MYH11: variants seen among roughly 807,000 people sequenced by gnomAD.
MYH11 encodes the protein myosin-11.
A neutral mutation model predicts 246.6 loss-of-function variants in MYH11; 80 were observed. The ratio of observed to expected loss-of-function variants is 0.32; its 90% CI spans 0.27 to 0.39. The LOEUF (loss-of-function observed/expected upper bound fraction) is 0.39, where lower values mean the gene tolerates loss of function less well. Among genes scored for constraint, MYH11 ranks in the 10% least tolerant of loss-of-function variants. The pLI is 1.00. For missense variants in MYH11, 2,158 were observed against 2,546.8 expected (o/e 0.85, Z 3.29); for synonymous variants, 1,071 against 1,015.5 (o/e 1.05, Z -1.04).
rs751854318 is a variant in MYH11, at chr16:15,778,762, G to T, written c.790+18C>A. ...GGGGCAGGGGTACCCATTTGGCCCA[G>T]GCTCAGGGAAAGGATACAGGTCTCA... On this transcript the variant is annotated intron_variant, in intron 7 of 40. Transcript: ENST00000300036. 3 of 1,613,882 alleles carry T rather than the reference G, an allele frequency of 1.9e-6. No individual in the cohort carries two copies. The highest frequency in any genetic ancestry group is 1.7e-6 in the Non-Finnish European group (2 of 1,179,768).
chr16:15,851,810 C>T (rs889116327), intron 1 of MYH11, among the ~76,000 whole-genome samples: 1 of 152,070 alleles, frequency 6.6e-6, no homozygotes, highest in East Asian at 1.9e-4. Flanking sequence ...TCCTCCCAAC[C>T]AAGAGAACTT....
intron 3 of MYH11, among the ~76,000 whole-genome samples, chr16:15,812,938 G>C (rs1325465226): frequency 6.6e-6 from 1 of 151,644 alleles, no homozygotes; most frequent in Non-Finnish European, 1.5e-5. Context: ...AGGCCAAGGT[G>C]GGTGGATCAC....
chr16:15,835,597 C>T (rs984671910), intron 2 of MYH11, among the ~76,000 whole-genome samples: 2 of 152,152 alleles, frequency 1.3e-5, no homozygotes, highest in Non-Finnish European at 2.9e-5. Flanking sequence ...GGAAGAAGAA[C>T]ATCTTACTAG....
At chr16:15,839,954 G>A (rs2044011019) in intron 1 of MYH11, among the ~76,000 whole-genome samples, 1 of 152,076 alleles carries the variant, frequency 6.6e-6, no homozygotes, top group South Asian at 2.1e-4. Flanking sequence ...AAAAAGCTGA[G>A]GCAGGAGAAT....
chr16:15,809,652 G>T (rs574203368), intron 3 of MYH11, among the ~76,000 whole-genome samples: 2 of 152,280 alleles, frequency 1.3e-5, no homozygotes, highest in East Asian at 3.9e-4. Context: ...GCCAGGCACT[G>T]TGGGTCACGC....
chr16:15,719,298 G>C lies in MYH11; in HGVS notation c.5093C>G (p.Ala1698Gly), dbSNP rs779639232. ...CGCTTGTTTGCGAGCCCTCTCAGCG[G>C]CGGCGAGGTCCTAGGTGGGAGGGAG... The part of the protein sequence containing the change: ...DLMQLQEDLA[A>G]AERARKQADL... Residue 1698 changes from alanine (A) to glycine (G), a missense_variant, in exon 36 of 41, where the codon GCC (alanine) becomes GGC (glycine). Ala to Gly is a moderately conservative substitution (Grantham distance 60). Around this residue, in one of 11 missense-constraint regions of MYH11, gnomAD observed 1,013 missense variants for 993.5 expected, o/e 1.02. Transcript: ENST00000300036. 1 of 1,611,520 alleles carries C rather than the reference G, an allele frequency of 6.2e-7. No individual in the cohort carries two copies. The highest frequency in any genetic ancestry group is 1.7e-5 in the Admixed American group (1 of 60,002).
intron 1 of MYH11, among the ~76,000 whole-genome samples, chr16:15,840,131 A>G (rs1421846856): frequency 6.6e-6 from 1 of 152,186 alleles, no homozygotes; most frequent in Non-Finnish European, 1.5e-5. Flanking sequence ...CATAAGAGGT[A>G]AGAGGCACCA....
rs1355377006 is a variant in MYH11, at chr16:15,715,081, C to T, written c.5614G>A (p.Ala1872Thr). The T allele has an allele frequency of 1.3e-5, 21 of 1,612,770 alleles. No homozygotes were observed. The East Asian group carries it at 4.0e-4, about 31-fold the overall frequency. The change falls in exon 40 of 41, where the codon GCA becomes ACA. Residue 1872 changes from alanine (A) to threonine (T), a missense_variant and splice_region_variant. Ala to Thr is a moderately conservative substitution (Grantham distance 58, BLOSUM62 0). Around this residue, in one of 11 missense-constraint regions of MYH11, gnomAD observed 1,013 missense variants for 993.5 expected, o/e 1.02. Coordinates refer to ENST00000300036, the MANE Select transcript of MYH11 (RefSeq NM_002474.3). ...TTGACCCTGGCATTGCCTTTCTCTGCCTGTCGCGGAGAGTTGGAGGGGTGG... is the reference window on the plus strand; with the variant it reads ...TTGACCCTGGCATTGCCTTTCTCTGTCTGTCGCGGAGAGTTGGAGGGGTGG... ...RKMAEQYKEQ[A>T]EKGNARVKQL...
chr16:15,752,157 A>C (rs764412924), intron 15 of MYH11, among the ~76,000 whole-genome samples: 1 of 151,996 alleles, frequency 6.6e-6, no homozygotes, highest in Non-Finnish European at 1.5e-5. Context: ...GGTCCCGCAG[A>C]GGAGGGACTA....
chr16:15,712,300 A>G (rs771556848), intron 40 of MYH11, among the ~76,000 whole-genome samples: 3 of 152,122 alleles, frequency 2.0e-5, no homozygotes, highest in Non-Finnish European at 2.9e-5. Context: ...TTAGATATAC[A>G]TGGAATTCTA....
chr16:15,850,657 G>A (rs2044307305), intron 1 of MYH11, among the ~76,000 whole-genome samples: 2 of 152,198 alleles, frequency 1.3e-5, no homozygotes, highest in Admixed American at 1.3e-4. Context: ...AACACTGGGA[G>A]GCCAAGGCAG....
intron 40 of MYH11, chr16:15,714,611 G>A: frequency 3.7e-6 from 2 of 539,610 alleles, no homozygotes; most frequent in South Asian, 4.2e-5. Context: ...ATGAAGGAGG[G>A]GCTGGAGGAG....
At chr16:15,714,194 A>T (rs916870846) in intron 40 of MYH11, 1 of 153,188 alleles carries the variant, frequency 6.5e-6, no homozygotes, top group Non-Finnish European at 1.5e-5. Flanking sequence ...TGGTGGAAGC[A>T]GCCCTTGGGA....
chr16:15,848,082 G>A (rs1176538707), intron 1 of MYH11, among the ~76,000 whole-genome samples: 1 of 152,064 alleles, frequency 6.6e-6, no homozygotes, highest in Non-Finnish European at 1.5e-5. Context: ...TTGCTCCTAC[G>A]AGCCTTGGGT....
chr16:15,831,941 A>T (rs2043751407), intron 2 of MYH11, among the ~76,000 whole-genome samples: 1 of 152,042 alleles, frequency 6.6e-6, no homozygotes, highest in Non-Finnish European at 1.5e-5. Context: ...CCATGTTAAA[A>T]AAAAAAAAAG....
intron 2 of MYH11, among the ~76,000 whole-genome samples, chr16:15,825,269 C>G (rs2043529108): frequency 6.6e-6 from 1 of 151,694 alleles, no homozygotes; most frequent in African/African-American, 2.4e-5. Context: ...TGCTCTGGGG[C>G]CAAGTGTAGT....
intron 38 of MYH11, among the ~76,000 whole-genome samples, chr16:15,716,554 C>T (rs1244555982): frequency 6.6e-6 from 1 of 152,034 alleles, no homozygotes; most frequent in Non-Finnish European, 1.5e-5. Context: ...AAGGGTCCCA[C>T]TGTGTCACCC....
intron 28 of MYH11, 50 bp from the exon 29 acceptor site, chr16:15,725,042 C>G (rs780206041): frequency 1.3e-6 from 2 of 1,514,988 alleles, no homozygotes; most frequent in East Asian, 4.6e-5. Context: ...AGGGGATCCT[C>G]GTTGAAAGGA....
In MYH11 at chr16:15,720,856, T is replaced by G. The variant is rs114556043; in HGVS notation, c.4774A>C (p.Arg1592=). The G allele has an allele frequency of 1.9e-4, 312 of 1,613,766 alleles. 1 individual carries two copies. The African/African-American group carries it at 3.5e-3, about 18-fold the overall frequency. The change falls in exon 33 of 41, where the codon AGG becomes CGG. Residue 1592 remains arginine, a synonymous_variant. Coordinates refer to ENST00000300036, the MANE Select transcript of MYH11 (RefSeq NM_002474.3). ...GCACGCACCTGTCTCTGCAGTTGCC[T>G]CCTCTTCTCCTCATTCTGCTCGTCC... The part of the protein sequence containing the change: ...ARDEQNEEKR[R]QLQRQLHEYE...
Sources: allele counts gnomAD v4.1 joint callset (sites outside exome capture counted in the v4.1 genomes callset), GRCh38; gene constraint gnomAD v4.1.1; regional missense constraint gnomAD v4.1.1; transcripts MANE v1.5; gene names NCBI Gene and HGNC (gene_info 2026-07-23, HGNC 2026-07-21).